SAMMSON: variants seen among roughly 807,000 people sequenced by gnomAD.
SAMMSON encodes survival associated mitochondrial melanoma specific oncogenic non-coding RNA.
At chr3:70,404,880 A>G (rs1474486373) in intron 2 of SAMMSON, among the ~76,000 whole-genome samples, 1 of 152,276 alleles carries the variant, frequency 6.6e-6, no homozygotes, top group African/African-American at 2.4e-5. Context: ...TGATGGAATA[A>G]TGGAGAGAAT....
intron 9 of SAMMSON, among the ~76,000 whole-genome samples, chr3:70,369,419 G>A (rs1396611925): frequency 2.0e-5 from 3 of 151,440 alleles, no homozygotes; most frequent in African/African-American, 4.8e-5. Flanking sequence ...AATGCTTGTT[G>A]TTATTAATGA....
At chr3:70,038,819 G>A (rs1241665513) in intron 3 of SAMMSON, among the ~76,000 whole-genome samples, 1 of 152,114 alleles carries the variant, frequency 6.6e-6, no homozygotes, top group Non-Finnish European at 1.5e-5. Context: ...GTTGAAACTG[G>A]AGTCAGAATA....
chr3:70,260,765 C>T (rs947003294), intron 6 of SAMMSON, among the ~76,000 whole-genome samples: 27 of 151,976 alleles, frequency 1.8e-4, no homozygotes, highest in Admixed American at 2.6e-4. Flanking sequence ...GAACTCACTT[C>T]TCAATTATTG....
chr3:70,148,629 A>G (rs1249560873), intron 4 of SAMMSON, among the ~76,000 whole-genome samples: 1 of 152,084 alleles, frequency 6.6e-6, no homozygotes, highest in Non-Finnish European at 1.5e-5. Context: ...TGCACAGATC[A>G]TATGGCCAGA....
intron 6 of SAMMSON, among the ~76,000 whole-genome samples, chr3:70,255,773 A>G (rs976293896): frequency 5.9e-5 from 9 of 152,102 alleles, no homozygotes; most frequent in African/African-American, 1.9e-4. Flanking sequence ...CTATTTTTCA[A>G]CTGCAGCTTA....
intron 4 of SAMMSON, among the ~76,000 whole-genome samples, chr3:70,130,419 G>A (rs1301411511): frequency 6.6e-6 from 1 of 152,156 alleles, no homozygotes; most frequent in African/African-American, 2.4e-5. Flanking sequence ...TGTGGCAGAT[G>A]GCATTTCCAA....
At chr3:70,223,781 C>T (rs868039987) in intron 4 of SAMMSON, among the ~76,000 whole-genome samples, 2 of 152,216 alleles carry the variant, frequency 1.3e-5, no homozygotes, top group South Asian at 2.1e-4. Context: ...TACAAATGAA[C>T]GTTAGCTGCT....
At chr3:70,306,601 TTC>T (rs925635427) in intron 7 of SAMMSON, among the ~76,000 whole-genome samples, 1 of 152,146 alleles carries the variant, frequency 6.6e-6, no homozygotes, top group African/African-American at 2.4e-5. Context: ...ATCATTTTTT[TTC>T]TCTCTCATGA....
At chr3:70,394,271 A>G (rs1701073471), downstream of SAMMSON, among the ~76,000 whole-genome samples, 3 of 152,110 alleles carry the variant, frequency 2.0e-5, no homozygotes, top group South Asian at 6.2e-4. Flanking sequence ...GTCAACTTGG[A>G]TGTGTGAAGA....
intron 3 of SAMMSON, among the ~76,000 whole-genome samples, chr3:70,024,200 C>T (rs1228619342): frequency 1.3e-5 from 2 of 152,102 alleles, no homozygotes; most frequent in African/African-American, 2.4e-5. Context: ...CTACAATGAG[C>T]GGTACAAGTC....
chr3:70,117,413 G>C (rs2106664577), intron 4 of SAMMSON, among the ~76,000 whole-genome samples: 1 of 152,274 alleles, frequency 6.6e-6, no homozygotes, highest in Non-Finnish European at 1.5e-5. Context: ...TGTCTTGTCT[G>C]TTTGAAATGC....
At chr3:70,276,404 A>G (rs907403257) in intron 6 of SAMMSON, among the ~76,000 whole-genome samples, 1 of 152,204 alleles carries the variant, frequency 6.6e-6, no homozygotes, top group East Asian at 1.9e-4. Context: ...GATTATAAGT[A>G]AACATTGTAA....
intron 6 of SAMMSON, among the ~76,000 whole-genome samples, chr3:70,273,380 T>C (rs1336459164): frequency 6.6e-6 from 1 of 152,186 alleles, no homozygotes; most frequent in Non-Finnish European, 1.5e-5. Flanking sequence ...AGACCTTTAA[T>C]CCAAAGGGAA....
intron 4 of SAMMSON, among the ~76,000 whole-genome samples, chr3:70,104,581 G>C (rs1253059534): frequency 3.9e-5 from 6 of 152,146 alleles, no homozygotes; most frequent in African/African-American, 1.4e-4. Context: ...AAAAGGAGCT[G>C]GGTCAAGGTG....
intron 2 of SAMMSON, among the ~76,000 whole-genome samples, chr3:70,421,918 G>A (rs1701315891): frequency 2.0e-5 from 3 of 152,088 alleles, no homozygotes; most frequent in African/African-American, 7.2e-5. Flanking sequence ...AAATAAATTA[G>A]GCTGGTATTT....
intron 6 of SAMMSON, among the ~76,000 whole-genome samples, chr3:70,260,418 C>T (rs1490830518): frequency 2.0e-5 from 3 of 152,004 alleles, no homozygotes; most frequent in African/African-American, 7.2e-5. Flanking sequence ...CAAATAAAGT[C>T]TCATTATGAG....
At chr3:70,108,583 T>A (rs1461193258) in intron 4 of SAMMSON, among the ~76,000 whole-genome samples, 1 of 151,744 alleles carries the variant, frequency 6.6e-6, no homozygotes, top group Non-Finnish European at 1.5e-5. Flanking sequence ...GAAACTCCAA[T>A]GTAATGAGAG....
At chr3:70,347,106 G>C (rs892527328) in intron 7 of SAMMSON, among the ~76,000 whole-genome samples, 6 of 152,164 alleles carry the variant, frequency 3.9e-5, no homozygotes, top group Non-Finnish European at 8.8e-5. Context: ...CACAAACACT[G>C]ACCTGCAATG....
intron 6 of SAMMSON, among the ~76,000 whole-genome samples, chr3:70,273,107 C>T (rs1701989589): frequency 6.6e-6 from 1 of 152,078 alleles, no homozygotes; most frequent in Non-Finnish European, 1.5e-5. Context: ...GAAAGGCTGC[C>T]GTTACAAGGA....
Sources: gnomAD v4.1 joint callset for allele counts (sites outside exome capture counted in the v4.1 genomes callset) on GRCh38, gnomAD v4.1.1 for gene constraint, MANE v1.5 for transcripts, NCBI Gene and HGNC (gene_info 2026-07-23, HGNC 2026-07-21) for gene names.